Variants in WWOX observed in about 807,000 individuals in gnomAD.
The protein encoded by WWOX is WW domain-containing oxidoreductase.
WWOX carries 69 observed loss-of-function variants against 46.2 expected under a neutral mutation model. The ratio of observed to expected loss-of-function variants is 1.49; its 90% CI spans 1.23 to 1.82. The LOEUF is 1.82. WWOX is among the 40% of genes most tolerant of loss of function. WWOX has a pLI of 0.00. For missense variants in WWOX, 919 were observed against 542.6 expected (o/e 1.69, Z -6.89); for synonymous variants, 359 against 202.6 (o/e 1.77, Z -6.56).
At chr16:78,462,937 C>T (rs527630423) in intron 8 of WWOX, among the ~76,000 whole-genome samples, 1 of 152,184 alleles carries the variant, frequency 6.6e-6, no homozygotes, top group African/African-American at 2.4e-5. Context: ...CTACAGTAAC[C>T]TTTTCCCACC....
Position 78,384,727 on chromosome 16 carries a change from C to T in WWOX, c.517-2133C>T, listed in dbSNP as rs111874115. On this transcript the variant is annotated intron_variant, in intron 5 of 8. Coordinates refer to ENST00000566780, the MANE Select transcript of WWOX (RefSeq NM_016373.4). ...CAAAATCTGCACACTTTGGCATCTGCCACTGTTACCCAAGACCAGGAATTT... is the reference window on the plus strand; with the variant it reads ...CAAAATCTGCACACTTTGGCATCTGTCACTGTTACCCAAGACCAGGAATTT... Among the ~76,000 whole-genome samples the T allele has an allele frequency of 4.0e-3, 605 of 152,288 alleles. 4 individuals carry two copies. Among genetic ancestry groups the T allele is most frequent in the Non-Finnish European group, 6.8e-3 (464 of 68,018 alleles).
chr16:79,036,873 A>T (rs966450463), intron 8 of WWOX, among the ~76,000 whole-genome samples: 6 of 152,206 alleles, frequency 3.9e-5, no homozygotes, highest in Admixed American at 3.9e-4. Context: ...GATCAGATTC[A>T]GTGGAAGTGC....
chr16:78,307,172 AT>A (rs558020902), intron 5 of WWOX, among the ~76,000 whole-genome samples: 5 of 152,080 alleles, frequency 3.3e-5, no homozygotes, highest in Admixed American at 1.3e-4. Context: ...TAGAAAAGGT[AT>A]TTTTTTTATG....
intron 8 of WWOX, among the ~76,000 whole-genome samples, chr16:78,880,875 A>G (rs75708108): frequency 0.019 from 2,906 of 151,970 alleles, 76 homozygotes; most frequent in African/African-American, 0.057. Flanking sequence ...CTTCTTGTCT[A>G]TGATATCAGA....
chr16:78,613,997 T>C (rs2045960377), intron 8 of WWOX, among the ~76,000 whole-genome samples: 2 of 152,196 alleles, frequency 1.3e-5, no homozygotes, highest in African/African-American at 4.8e-5. Context: ...AGCTCAGTAG[T>C]CATGACAGTA....
chr16:78,453,499 C>T (rs1055059534), intron 8 of WWOX, among the ~76,000 whole-genome samples: 1 of 151,944 alleles, frequency 6.6e-6, no homozygotes, highest in East Asian at 1.9e-4. Context: ...GGTAGAAATG[C>T]GAATGGACGC....
At chr16:78,763,448 A>C (rs1236807651) in intron 8 of WWOX, among the ~76,000 whole-genome samples, 1 of 152,208 alleles carries the variant, frequency 6.6e-6, no homozygotes, top group African/African-American at 2.4e-5. Context: ...CAAGTAGTTT[A>C]TAGTCCAAAA....
intron 5 of WWOX, among the ~76,000 whole-genome samples, chr16:78,227,763 G>T (rs1035993154): frequency 6.6e-6 from 1 of 152,088 alleles, no homozygotes; most frequent in African/African-American, 2.4e-5. Context: ...TGTAATCCCA[G>T]CTACTTGGGA....
intron 8 of WWOX, among the ~76,000 whole-genome samples, chr16:79,132,641 A>C (rs1041387203): frequency 6.6e-6 from 1 of 152,140 alleles, no homozygotes; most frequent in African/African-American, 2.4e-5. Context: ...TTTTAAAACA[A>C]GAATAAATCC....
chr16:79,174,999 C>T (rs1324771492), intron 8 of WWOX, among the ~76,000 whole-genome samples: 2 of 152,116 alleles, frequency 1.3e-5, no homozygotes, highest in African/African-American at 4.8e-5. Context: ...GCGTTCTCTC[C>T]CTCAGCATAC....
intron 8 of WWOX, among the ~76,000 whole-genome samples, chr16:79,129,244 C>G (rs1273800772): frequency 6.6e-6 from 1 of 151,356 alleles, no homozygotes; most frequent in Non-Finnish European, 1.5e-5. Context: ...GGAAAACCTC[C>G]AACGCAAAAT....
intron 8 of WWOX, among the ~76,000 whole-genome samples, chr16:79,177,049 A>G (rs920848983): frequency 6.6e-6 from 1 of 152,200 alleles, no homozygotes; most frequent in Non-Finnish European, 1.5e-5. Flanking sequence ...GCATAATTGC[A>G]TTCATGGGAT....
intron 8 of WWOX, among the ~76,000 whole-genome samples, chr16:78,539,303 C>T (rs1049027765): frequency 6.6e-6 from 1 of 152,200 alleles, no homozygotes; most frequent in African/African-American, 2.4e-5. Flanking sequence ...GTAAAGGAGT[C>T]TTGTGAGGAT....
chr16:78,972,650 G>C (rs535585256), intron 8 of WWOX, among the ~76,000 whole-genome samples: 1 of 152,072 alleles, frequency 6.6e-6, no homozygotes, highest in Non-Finnish European at 1.5e-5. Context: ...CTCTGTTTCT[G>C]TTTCAACTGC....
intron 8 of WWOX, among the ~76,000 whole-genome samples, chr16:78,754,614 A>G (rs1455005567): frequency 1.3e-5 from 2 of 152,120 alleles, no homozygotes; most frequent in Non-Finnish European, 2.9e-5. Context: ...TGGATGTTTT[A>G]ATTATATAAA....
chr16:78,401,693 A>T (rs2082417511), intron 6 of WWOX, among the ~76,000 whole-genome samples: 1 of 151,974 alleles, frequency 6.6e-6, no homozygotes, highest in South Asian at 2.1e-4. Context: ...TTTACATACA[A>T]TACAATTCCT....
chr16:78,662,644 C>G (rs866430158), intron 8 of WWOX, among the ~76,000 whole-genome samples: 1 of 152,196 alleles, frequency 6.6e-6, no homozygotes, highest in South Asian at 2.1e-4. Context: ...AAACAACATA[C>G]ATTCATCATT....
At chr16:78,471,778 TA>T (rs1185044595) in intron 8 of WWOX, among the ~76,000 whole-genome samples, 4 of 152,202 alleles carry the variant, frequency 2.6e-5, no homozygotes, top group African/African-American at 9.6e-5. Flanking sequence ...ATCAAAATAA[TA>T]ACGATGATTT....
chr16:79,009,042 C>T (rs763626006), intron 8 of WWOX, among the ~76,000 whole-genome samples: 1 of 152,232 alleles, frequency 6.6e-6, no homozygotes, highest in Non-Finnish European at 1.5e-5. Flanking sequence ...AACTTGATTG[C>T]AAACAAGCCT....
Sources: gnomAD v4.1 joint callset for allele counts (sites outside exome capture counted in the v4.1 genomes callset) on GRCh38, gnomAD v4.1.1 for gene constraint, MANE v1.5 for transcripts, NCBI Gene and HGNC (gene_info 2026-07-23, HGNC 2026-07-21) for gene names.